KLRG1: variants seen among roughly 807,000 people sequenced by gnomAD.
The protein encoded by KLRG1 is killer cell lectin like receptor G1, also known as killer cell lectin-like receptor subfamily G member 1.
A neutral mutation model predicts 21.8 loss-of-function variants in KLRG1; 16 were observed. The ratio of observed to expected loss-of-function variants is 0.73; its 90% CI spans 0.50 to 1.11. The LOEUF (loss-of-function observed/expected upper bound fraction) is 1.11, where lower values mean the gene tolerates loss of function less well. Among genes scored for constraint, KLRG1 ranks in the 50% most tolerant of loss-of-function variants. The probability of loss-of-function intolerance (pLI) is 0.00; values close to 1 mark genes in which losing one functional copy is unlikely to be tolerated. For missense variants in KLRG1, 173 were observed against 218.3 expected (o/e 0.79, Z 1.31); for synonymous variants, 69 against 75.9 (o/e 0.91, Z 0.47).
the KLRG1 span, chr12:9,077,840 A>G: frequency 6.2e-7 from 1 of 1,614,172 alleles, no homozygotes; most frequent in Non-Finnish European, 8.5e-7. Context: ...AAAAGTCTTC[A>G]GAACAAAGGC....
chr12:9,157,652 A>G, the KLRG1 span: 1 of 934,476 alleles, frequency 1.1e-6, no homozygotes, highest in South Asian at 1.6e-5. Flanking sequence ...TCAGTCTGAG[A>G]AATCCCTCAT....
At chr12:9,139,736 G>A in the KLRG1 span, among the ~76,000 whole-genome samples, 1 of 152,096 alleles carries the variant, frequency 6.6e-6, no homozygotes, top group African/African-American at 2.4e-5. Context: ...TCTGATATAA[G>A]TGTAGCCACT....
the KLRG1 span, chr12:9,192,605 G>C: frequency 6.2e-7 from 1 of 1,614,170 alleles, no homozygotes; most frequent in Non-Finnish European, 8.5e-7. Context: ...CACAGGGCAG[G>C]GTACCAGCCA....
At chr12:9,160,419 T>C in the KLRG1 span, 2 of 1,614,064 alleles carry the variant, frequency 1.2e-6, no homozygotes, top group South Asian at 1.1e-5. Flanking sequence ...AGGACCATGT[T>C]CTGTTCTCCA....
At chr12:9,083,830 C>T in the KLRG1 span, among the ~76,000 whole-genome samples, 3 of 149,408 alleles carry the variant, frequency 2.0e-5, no homozygotes, top group Non-Finnish European at 4.4e-5. Flanking sequence ...ACAGGAGGCA[C>T]AGAGGTCTCC....
chr12:9,029,874 G>A, the KLRG1 span, among the ~76,000 whole-genome samples: 1 of 151,644 alleles, frequency 6.6e-6, no homozygotes, highest in Non-Finnish European at 1.5e-5. Context: ...CTCATGCCTC[G>A]GCCTCCCGAG....
At chr12:9,196,981 A>G in the KLRG1 span, 3 of 1,445,824 alleles carry the variant, frequency 2.1e-6, no homozygotes, top group Non-Finnish European at 2.9e-6. Flanking sequence ...GTAAACAGTG[A>G]TAGCACTGAG....
At chr12:9,116,568 A>C in the KLRG1 span, among the ~76,000 whole-genome samples, 1 of 152,164 alleles carries the variant, frequency 6.6e-6, no homozygotes, top group Non-Finnish European at 1.5e-5. Flanking sequence ...AAACTTCCCA[A>C]TTGCCTTTAC....
At chr12:8,964,632 G>C (rs1284160392) in intron 1 of KLRG1, among the ~76,000 whole-genome samples, 3 of 150,656 alleles carry the variant, frequency 2.0e-5, no homozygotes, top group African/African-American at 7.3e-5. Context: ...TGTTGACAGT[G>C]GGGTGTTAAA....
the KLRG1 span, among the ~76,000 whole-genome samples, chr12:9,132,328 G>C: frequency 6.6e-6 from 1 of 152,184 alleles, no homozygotes; most frequent in African/African-American, 2.4e-5. Context: ...ATATTTTCAA[G>C]ATAGGTCAGT....
At chr12:9,068,244 C>CA in the KLRG1 span, 2 of 1,591,466 alleles carry the variant, frequency 1.3e-6, no homozygotes, top group Non-Finnish European at 1.7e-6. Flanking sequence ...AAAAAACCAA[C>CA]AAAAAACCAG....
At chr12:9,045,697 T>C in the KLRG1 span, among the ~76,000 whole-genome samples, 1 of 152,078 alleles carries the variant, frequency 6.6e-6, no homozygotes, top group Non-Finnish European at 1.5e-5. Context: ...AAAGAAATGC[T>C]AGGAATAAAA....
At chr12:9,203,211 A>C in the KLRG1 span, among the ~76,000 whole-genome samples, 2 of 152,224 alleles carry the variant, frequency 1.3e-5, no homozygotes, top group South Asian at 4.1e-4. Context: ...TTTGTGGGCA[A>C]TAGGATTATT....
intron 3 of KLRG1, among the ~76,000 whole-genome samples, chr12:9,005,599 G>A (rs1369942095): frequency 6.6e-6 from 1 of 152,102 alleles, no homozygotes; most frequent in African/African-American, 2.4e-5. Context: ...GGGAGGTTAG[G>A]GAGAGTTATG....
the KLRG1 span, chr12:9,065,883 A>G: frequency 3.3e-5 from 5 of 152,260 alleles, no homozygotes; most frequent in Non-Finnish European, 7.3e-5. Context: ...CTGTGGAGAG[A>G]AACTACCCAT....
intron 1 of KLRG1, among the ~76,000 whole-genome samples, chr12:8,956,020 T>C (rs1333246782): frequency 1.3e-5 from 2 of 152,144 alleles, no homozygotes; most frequent in Non-Finnish European, 2.9e-5. Context: ...AGCTACACAG[T>C]GGGACTACCA....
chr12:9,158,538 C>T, the KLRG1 span: 6 of 1,613,876 alleles, frequency 3.7e-6, no homozygotes, highest in Non-Finnish European at 4.2e-6. Context: ...GATGTAGGAT[C>T]GAGCCTGGGC....
the KLRG1 span, chr12:9,150,743 T>C: frequency 6.2e-7 from 1 of 1,607,926 alleles, no homozygotes; most frequent in Non-Finnish European, 8.5e-7. Context: ...GTCTGATTTG[T>C]CACCTGAAAG....
the KLRG1 span, among the ~76,000 whole-genome samples, chr12:9,100,606 A>C: frequency 6.6e-6 from 1 of 152,152 alleles, no homozygotes; most frequent in African/African-American, 2.4e-5. Flanking sequence ...TAACGCAAAG[A>C]AAATAGGCTG....
Sources: allele counts gnomAD v4.1 joint callset (sites outside exome capture counted in the v4.1 genomes callset), GRCh38; gene constraint gnomAD v4.1.1; transcripts MANE v1.5; gene names NCBI Gene and HGNC (gene_info 2026-07-23, HGNC 2026-07-21).